LIMCH1: variants seen among roughly 807,000 people sequenced by gnomAD.
LIMCH1 encodes the protein LIM and calponin homology domains 1, also known as LIM and calponin homology domains-containing protein 1.
A neutral mutation model predicts 176.5 loss-of-function variants in LIMCH1; 113 were observed. The ratio of observed to expected loss-of-function variants is 0.64; its 90% CI spans 0.55 to 0.75. The LOEUF is 0.75. Ranked by LOEUF, LIMCH1 falls within the 30% of genes least tolerant of loss-of-function variation. The probability of loss-of-function intolerance (pLI) is 0.00; values close to 1 mark genes in which losing one functional copy is unlikely to be tolerated. For synonymous variants in LIMCH1, 619 were observed against 645.9 expected (o/e 0.96, Z 0.63); for missense variants, 1,674 against 1,814.9 (o/e 0.92, Z 1.41).
chr4:41,534,539 A>T (rs2077667952), upstream of LIMCH1, among the ~76,000 whole-genome samples: 1 of 152,176 alleles, frequency 6.6e-6, no homozygotes, highest in South Asian at 2.1e-4. Flanking sequence ...TTTTGGACAT[A>T]TTGAGTTGGC....
chr4:41,566,414 A>G (rs939904599), intron 1 of LIMCH1, among the ~76,000 whole-genome samples: 3 of 152,144 alleles, frequency 2.0e-5, no homozygotes, highest in South Asian at 2.1e-4. Context: ...TCCTTGATCC[A>G]TGGGCTGCAG....
At chr4:41,427,778 C>T (rs974963607) in intron 1 of LIMCH1, among the ~76,000 whole-genome samples, 1 of 152,152 alleles carries the variant, frequency 6.6e-6, no homozygotes, top group Non-Finnish European at 1.5e-5. Flanking sequence ...AGGACGTCTT[C>T]CTTCTTTAGA....
intron 12 of LIMCH1, 126 bp downstream of exon 12, chr4:41,633,211 T>A (rs2093417281): frequency 2.9e-6 from 2 of 690,664 alleles, no homozygotes; most frequent in Non-Finnish European, 4.8e-6. Flanking sequence ...TGGAGTAAAG[T>A]CACTAAAAGA....
intron 1 of LIMCH1, among the ~76,000 whole-genome samples, chr4:41,380,088 A>G (rs1032210297): frequency 3.9e-5 from 6 of 152,194 alleles, no homozygotes; most frequent in African/African-American, 1.4e-4. Context: ...TACAGGTGTG[A>G]GCCACCATGC....
intron 20 of LIMCH1, among the ~76,000 whole-genome samples, chr4:41,663,991 G>A (rs79081137): frequency 0.09 from 13,703 of 151,966 alleles, 740 homozygotes; most frequent in South Asian, 0.14. Flanking sequence ...TGTGAGCTGT[G>A]ATTATACCAC....
intron 1 of LIMCH1, among the ~76,000 whole-genome samples, chr4:41,463,338 A>G (rs536352053): frequency 1.8e-4 from 27 of 152,214 alleles, no homozygotes; most frequent in African/African-American, 6.5e-4. Context: ...AGACTATATT[A>G]TCTGTGTTTA....
chr4:41,433,537 G>A (rs1337487007), intron 1 of LIMCH1, among the ~76,000 whole-genome samples: 2 of 152,158 alleles, frequency 1.3e-5, no homozygotes, highest in Non-Finnish European at 2.9e-5. Flanking sequence ...TTTCTCACAT[G>A]TCTGGTACCT....
At chr4:41,551,449 A>T (rs1400606907) in intron 1 of LIMCH1, 1 of 152,158 alleles carries the variant, frequency 6.6e-6, no homozygotes, top group Non-Finnish European at 1.5e-5. Context: ...ACTTACTTTT[A>T]TCAAATTCAA....
intron 1 of LIMCH1, among the ~76,000 whole-genome samples, chr4:41,448,369 C>T (rs1044421542): frequency 1.3e-5 from 2 of 152,178 alleles, no homozygotes; most frequent in Non-Finnish European, 2.9e-5. Flanking sequence ...GAAGACTCAA[C>T]CACAGCTTTT....
At chr4:41,640,028 TC>T (rs1477321822) in intron 14 of LIMCH1, among the ~76,000 whole-genome samples, 6 of 152,210 alleles carry the variant, frequency 3.9e-5, no homozygotes, top group Non-Finnish European at 8.8e-5. Context: ...TGTGCTATTT[TC>T]ATGTTTGTGT....
chr4:41,632,856 G>C lies in LIMCH1; in HGVS notation c.1709G>C (p.Gly570Ala). 1 of 1,536,166 alleles carries C rather than the reference G, an allele frequency of 6.5e-7. No homozygotes were observed. The highest frequency in any genetic ancestry group is 1.2e-5 in the South Asian group (1 of 84,062). Residue 570 changes from glycine to alanine, a missense_variant, in exon 11 of 32, where the codon GGG becomes GCG. Gly to Ala is a moderately conservative substitution (Grantham distance 60). Transcript: ENST00000503057. ...WVCSLGECPR[G>A]TEEVTSKQLP... ...TGCAGTTTGGGCGAGTGCCCGAGGG[G>C]GACAGAGGAAGGTGAGGAGCAGTGT...
chr4:41,510,737 T>C (rs1479884971), intron 2 of LIMCH1, among the ~76,000 whole-genome samples: 1 of 152,112 alleles, frequency 6.6e-6, no homozygotes, highest in East Asian at 1.9e-4. Flanking sequence ...TACAGGCGTC[T>C]GCCACCATGC....
chr4:41,379,252 C>G (rs1311892043), intron 1 of LIMCH1, among the ~76,000 whole-genome samples: 2 of 152,170 alleles, frequency 1.3e-5, no homozygotes, highest in Non-Finnish European at 2.9e-5. Flanking sequence ...ATGGCTCCCT[C>G]ATGTGCCTGT....
chr4:41,606,885 G>A (rs966101870), intron 4 of LIMCH1, among the ~76,000 whole-genome samples: 1 of 152,122 alleles, frequency 6.6e-6, no homozygotes, highest in Non-Finnish European at 1.5e-5. Context: ...TGCAACGTCC[G>A]CCTCCCAGAT....
chr4:41,526,428 G>C (rs1015954431), intron 3 of LIMCH1, among the ~76,000 whole-genome samples: 3 of 151,920 alleles, frequency 2.0e-5, no homozygotes, highest in Non-Finnish European at 1.5e-5. Context: ...CTACAAACCT[G>C]GTCAAACTCT....
chr4:41,610,039 G>A (rs1397721326), intron 4 of LIMCH1, among the ~76,000 whole-genome samples: 1 of 152,196 alleles, frequency 6.6e-6, no homozygotes, highest in African/African-American at 2.4e-5. Context: ...GGTTTTCACT[G>A]TTCAAACTGG....
In LIMCH1 at chr4:41,697,188, CG is replaced by C; in HGVS notation, c.*5del. On this transcript the variant is annotated 3_prime_UTR_variant, in exon 32 of 32. Coordinates refer to ENST00000503057, the MANE Select transcript of LIMCH1 (RefSeq NM_001330672.2). ...CCGGGCAGCCTACAACATTGTGACA[CG>C]GCTTTCAAGCTTCCGGATCACTCAC... 6.2e-7 allele frequency: 1 copy of C among 1,613,364 alleles called. No individual in the cohort carries two copies. The highest frequency in any genetic ancestry group is 8.5e-7 in the Non-Finnish European group (1 of 1,179,420).
intron 1 of LIMCH1, among the ~76,000 whole-genome samples, chr4:41,423,896 G>T (rs1182513197): frequency 2.0e-5 from 3 of 152,106 alleles, no homozygotes; most frequent in Non-Finnish European, 4.4e-5. Context: ...TAACTGTGAA[G>T]TAGCATAGGG....
chr4:41,578,998 C>T (rs2084957776), intron 1 of LIMCH1, among the ~76,000 whole-genome samples: 1 of 151,976 alleles, frequency 6.6e-6, no homozygotes, highest in South Asian at 2.1e-4. Flanking sequence ...CCACTGCACC[C>T]AGCTCTATTT....
Sources: allele counts gnomAD v4.1 joint callset (sites outside exome capture counted in the v4.1 genomes callset), GRCh38; gene constraint gnomAD v4.1.1; transcripts MANE v1.5; gene names NCBI Gene and HGNC (gene_info 2026-07-23, HGNC 2026-07-21).